The following PRKG1 variants were observed in gnomAD, a reference collection of about 807,000 sequenced individuals.
The protein encoded by PRKG1 is cGMP-dependent protein kinase 1.
PRKG1 carries 35 observed loss-of-function variants against 88.1 expected under a neutral mutation model. That is an observed-to-expected ratio of 0.40 (90% CI 0.30 to 0.53). The LOEUF is 0.53. PRKG1 is among the 20% of genes least tolerant of loss of function. The pLI is 0.59. For synonymous variants in PRKG1, 303 were observed against 292.5 expected (o/e 1.04, Z -0.37); for missense variants, 540 against 839.8 (o/e 0.64, Z 4.41).
chr10:51,044,003 A>G (rs896103328), intron 1 of PRKG1, among the ~76,000 whole-genome samples: 11 of 152,188 alleles, frequency 7.2e-5, no homozygotes, highest in African/African-American at 2.7e-4. Flanking sequence ...AATCCTCATG[A>G]TAACCCTAAG....
intron 7 of PRKG1, among the ~76,000 whole-genome samples, chr10:52,110,350 A>C (rs954970842): frequency 2.6e-5 from 4 of 152,120 alleles, no homozygotes; most frequent in Non-Finnish European, 5.9e-5. Flanking sequence ...TAAGAAATAA[A>C]AAAAGATGAA....
At chr10:51,155,208 A>G (rs745704553) in intron 2 of PRKG1, among the ~76,000 whole-genome samples, 1 of 152,014 alleles carries the variant, frequency 6.6e-6, no homozygotes, top group African/African-American at 2.4e-5. Context: ...TAGATTTCCA[A>G]ACAACCATGG....
intron 3 of PRKG1, among the ~76,000 whole-genome samples, chr10:51,591,759 TAGA>T (rs1231825291): frequency 2.6e-5 from 4 of 152,022 alleles, no homozygotes; most frequent in Admixed American, 2.6e-4. Flanking sequence ...GATTTTCAAT[TAGA>T]CAAAAAAAAG....
At chr10:51,966,805 G>A (rs1332039307) in intron 5 of PRKG1, among the ~76,000 whole-genome samples, 1 of 151,970 alleles carries the variant, frequency 6.6e-6, no homozygotes, top group African/African-American at 2.4e-5. Context: ...CCTCATCCTT[G>A]TCAATGCTCA....
intron 2 of PRKG1, among the ~76,000 whole-genome samples, chr10:51,265,521 TTTATTTTATTTTA>T (rs1461154824): frequency 2.0e-5 from 3 of 152,128 alleles, no homozygotes; most frequent in Non-Finnish European, 4.4e-5. Context: ...TTACATTTAT[TTTATTTTATTTTA>T]TTATTTTATT....
intron 9 of PRKG1, among the ~76,000 whole-genome samples, chr10:52,229,876 C>A (rs1275375564): frequency 1.3e-5 from 2 of 152,162 alleles, no homozygotes; most frequent in African/African-American, 4.8e-5. Flanking sequence ...AGGGAGCCTT[C>A]ACCTACCCTT....
intron 7 of PRKG1, among the ~76,000 whole-genome samples, chr10:52,119,710 T>C (rs951692471): frequency 5.9e-5 from 9 of 152,226 alleles, no homozygotes; most frequent in Non-Finnish European, 8.8e-5. Flanking sequence ...TGTCTTGTCC[T>C]GTCTTGATCT....
At chr10:51,670,604 C>T (rs1217108642) in intron 3 of PRKG1, among the ~76,000 whole-genome samples, 5 of 148,482 alleles carry the variant, frequency 3.4e-5, no homozygotes, top group South Asian at 2.1e-4. Context: ...GGCGTAGTGG[C>T]GGGCGCCTGT....
chr10:51,149,257 A>C (rs1329497947), intron 1 of PRKG1, among the ~76,000 whole-genome samples: 3 of 152,082 alleles, frequency 2.0e-5, no homozygotes. Flanking sequence ...AAATAACCCT[A>C]CTGTTATTTA....
chr10:51,941,567 A>T (rs892857181), intron 5 of PRKG1, among the ~76,000 whole-genome samples: 2 of 151,574 alleles, frequency 1.3e-5, no homozygotes, highest in Non-Finnish European at 2.9e-5. Flanking sequence ...TCGTCATTTA[A>T]CATTAGGTAT....
chr10:52,140,010 C>T lies in PRKG1; in HGVS notation c.1001+6105C>T, dbSNP rs542791849. ...TGAAGACAGATGTGTTTCAATAAAG[C>T]TTTATTTATGGACATTGACATTTGA... On this transcript the variant is annotated intron_variant, in intron 8 of 17. Transcript: ENST00000373980. Among the ~76,000 whole-genome samples, 127 of 152,254 alleles carry T rather than the reference C, an allele frequency of 8.3e-4. 2 individuals are homozygous for T. The highest frequency in any genetic ancestry group is 7.5e-3 in the Admixed American group (114 of 15,274).
At position 51,492,379 on chromosome 10, in the gene PRKG1, GC is replaced by G. The variant is rs537167416; in HGVS notation, c.592+24545del. Among the ~76,000 whole-genome samples the G allele has an allele frequency of 7.0e-4, 107 of 152,122 alleles. 1 individual carries two copies. Among genetic ancestry groups the G allele is most frequent in the African/African-American group, 2.6e-3 (106 of 41,504 alleles). On this transcript the variant is annotated intron_variant, in intron 3 of 17. Transcript: ENST00000373980. ...CAACCAAATAATCCAACTTTTAAAA[GC>G]CAAGGCTATTTGCATTAGGTGTTGA...
At chr10:51,818,255 A>T (rs183853739) in intron 4 of PRKG1, among the ~76,000 whole-genome samples, 4 of 152,204 alleles carry the variant, frequency 2.6e-5, no homozygotes, top group African/African-American at 9.6e-5. Flanking sequence ...TATTTAGCCT[A>T]CATTAAGGAT....
intron 2 of PRKG1, among the ~76,000 whole-genome samples, chr10:51,202,199 A>G (rs1384096019): frequency 6.6e-6 from 1 of 152,186 alleles, no homozygotes; most frequent in Admixed American, 6.5e-5. Flanking sequence ...TGCCCAGCCC[A>G]GAGATGCATG....
At chr10:51,751,857 T>C (rs1271495607) in intron 3 of PRKG1, among the ~76,000 whole-genome samples, 1 of 152,174 alleles carries the variant, frequency 6.6e-6, no homozygotes, top group Non-Finnish European at 1.5e-5. Flanking sequence ...CCTAATCTAG[T>C]GCCTGGCCTA....
intron 5 of PRKG1, among the ~76,000 whole-genome samples, chr10:52,040,299 T>C (rs1451548143): frequency 1.3e-5 from 2 of 152,238 alleles, no homozygotes; most frequent in Admixed American, 1.3e-4. Flanking sequence ...TACATATTTA[T>C]ACTTCAGATG....
chr10:51,790,574 T>C (rs983000416), intron 3 of PRKG1, among the ~76,000 whole-genome samples: 5 of 152,198 alleles, frequency 3.3e-5, no homozygotes, highest in Non-Finnish European at 7.4e-5. Flanking sequence ...TATTGACTTT[T>C]AGTGTCCTTT....
At chr10:51,933,057 G>A (rs1842727824) in intron 5 of PRKG1, among the ~76,000 whole-genome samples, 1 of 152,006 alleles carries the variant, frequency 6.6e-6, no homozygotes, top group Admixed American at 6.6e-5. Context: ...ATCACACATT[G>A]GGTAGCAGCC....
intron 2 of PRKG1, among the ~76,000 whole-genome samples, chr10:51,253,051 T>G (rs552862713): frequency 6.6e-6 from 1 of 151,866 alleles, no homozygotes. Flanking sequence ...ACCAGTTGAG[T>G]ATATTTCACT....
Sources: gnomAD v4.1 joint callset for allele counts (sites outside exome capture counted in the v4.1 genomes callset) on GRCh38, gnomAD v4.1.1 for gene constraint, MANE v1.5 for transcripts, NCBI Gene and HGNC (gene_info 2026-07-23, HGNC 2026-07-21) for gene names.